The following OGDHL variants were observed in gnomAD, a reference collection of about 807,000 sequenced individuals.
The protein encoded by OGDHL is oxoglutarate dehydrogenase L.
In OGDHL, 79 loss-of-function variants were observed where a neutral mutation model predicts 109.6. That is an observed-to-expected ratio of 0.72 (90% confidence interval 0.60 to 0.87). The LOEUF is 0.87. Among genes scored for constraint, OGDHL ranks in the 40% least tolerant of loss-of-function variants. The pLI, the probability that OGDHL is intolerant of heterozygous loss-of-function variation, is 0.00. For synonymous variants in OGDHL, 528 were observed against 537.2 expected, an observed-to-expected ratio of 0.98 and a Z score of 0.24; for missense variants, 1,275 against 1,362.2, an observed-to-expected ratio of 0.94 and a Z score of 1.01.
chr10:49,743,716 C>T (rs759793858), intron 14 of OGDHL: 12 of 293,894 alleles, frequency 4.1e-5, no homozygotes, highest in East Asian at 6.8e-5. Flanking sequence ...AGGGACGCCC[C>T]GGCAAAGGCA....
chr10:49,746,989 G>A, intron 9 of OGDHL, 40 bp downstream of exon 9: 1 of 1,609,566 alleles, frequency 6.2e-7, no homozygotes, highest in South Asian at 1.1e-5. Flanking sequence ...GGCCCACCCT[G>A]AAGGGCCCAG....
In OGDHL at chr10:49,744,724, C is replaced by T. The variant is rs1842050815; in HGVS notation, c.1658G>A (p.Cys553Tyr). The change falls in exon 13 of 23, where the codon TGT becomes TAT. Residue 553 changes from cysteine (C) to tyrosine (Y), a missense_variant. Coordinates refer to ENST00000374103, the MANE Select transcript of OGDHL (RefSeq NM_018245.3). The part of the protein sequence containing the change: ...EEEIAKYDRI[C>Y]EEAYGRSKDK... Reference sequence around the variant, plus strand: ...CTTGGACCTGCCATAAGCCTCCTCACAGATCCGGTCGTATTTGGCAATTTC... The same window carrying T: ...CTTGGACCTGCCATAAGCCTCCTCATAGATCCGGTCGTATTTGGCAATTTC... 1 of 1,614,104 alleles carries T rather than the reference C, an allele frequency of 6.2e-7. No homozygotes were observed. The highest frequency in any genetic ancestry group is 1.7e-5 in the Admixed American group (1 of 60,012).
At chr10:49,752,851 TC>T in intron 3 of OGDHL, 111 bp from the exon 4 acceptor site, 1 of 727,054 alleles carries the variant, frequency 1.4e-6, no homozygotes, top group Non-Finnish European at 2.3e-6. Context: ...ATGTTAAGCT[TC>T]CCCATGTCTC....
chr10:49,739,878 A>C (rs764623384), intron 16 of OGDHL, 39 bp from the exon 17 acceptor site: 24 of 1,581,460 alleles, frequency 1.5e-5, no homozygotes, highest in Non-Finnish European at 2.0e-5. Flanking sequence ...GCACACAGTC[A>C]CCAAGTGGCA....
Position 49,742,112 on chromosome 10 carries a change from A to G in OGDHL, c.2012+716T>C, listed in dbSNP as rs373294911. On this transcript the variant is annotated intron_variant, in intron 15 of 22. Transcript: ENST00000374103. ...CCACACAAACACCCTCACACACATT[A>G]CACACATACACACCCTACACACACA... 7.6e-5 allele frequency among the ~76,000 whole-genome samples: 11 copies of G among 144,324 alleles called. No individual in the cohort carries two copies. In the East Asian group the frequency reaches 1.7e-3, roughly 22 times the overall value. 94.7% of individuals were successfully genotyped at this position (144,324 alleles called of 152,430 possible).
chr10:49,743,897 A>G, intron 14 of OGDHL, 97 bp downstream of exon 14: 1 of 1,468,128 alleles, frequency 6.8e-7, no homozygotes, highest in Non-Finnish European at 9.2e-7. Flanking sequence ...CAGGAATGCG[A>G]CACACCATCT....
chr10:49,741,841 A>G (rs1841691270), intron 15 of OGDHL, among the ~76,000 whole-genome samples: 1 of 149,512 alleles, frequency 6.7e-6, no homozygotes, highest in Non-Finnish European at 1.5e-5. Context: ...ACATCCATGC[A>G]CACACACCAA....
intron 15 of OGDHL, 120 bp from the exon 16 acceptor site, chr10:49,740,957 G>T: frequency 7.8e-7 from 1 of 1,289,524 alleles, no homozygotes; most frequent in Non-Finnish European, 1.1e-6. Flanking sequence ...CAGGAAACCT[G>T]CAGGGTCCCA....
chr10:49,751,934 A>G lies in OGDHL; in HGVS notation c.642T>C (p.Asp214=). The G allele has an allele frequency of 1.2e-6, 2 of 1,614,106 alleles. No individual in the cohort carries two copies. The highest frequency in any genetic ancestry group is 1.7e-6 in the Non-Finnish European group (2 of 1,180,010). ...HIGLEFMFIN[D]VEQCQWIRQK... ...GCCGGATCCACTGGCACTGCTCCAC[A>G]TCGTTGATGAACATGAACTCCAGGC... The change falls in exon 6 of 23, where the codon GAT becomes GAC. Residue 214 remains aspartate, a synonymous_variant. Coordinates refer to ENST00000374103, the MANE Select transcript of OGDHL (RefSeq NM_018245.3).
chr10:49,745,172 C>A (rs1460499474), intron 12 of OGDHL, among the ~76,000 whole-genome samples, 172 bp downstream of exon 12: 2 of 152,270 alleles, frequency 1.3e-5, no homozygotes, highest in African/African-American at 4.8e-5. Context: ...GCTGTAACTG[C>A]ATCCTTAGTT....
At position 49,742,955 on chromosome 10, in the gene OGDHL, G is replaced by A. The variant is rs139731612; in HGVS notation, c.1885C>T (p.Arg629Cys). Reference sequence around the variant, plus strand: ...GTCCGGTTCTTGGTCATGTCCGCACGGCCCCGCAGAATGCGAGAGAGGCCT... The same window carrying A: ...GTCCGGTTCTTGGTCATGTCCGCACAGCCCCGCAGAATGCGAGAGAGGCCT... The part of the protein sequence containing the change: ...HTGLSRILRG[R>C]ADMTKNRTVD... The change falls in exon 15 of 23, where the codon CGT (arginine) becomes TGT (cysteine). Residue 629 changes from arginine to cysteine, a missense_variant. By Grantham distance (180) the Arg-to-Cys change is radical. Coordinates refer to ENST00000374103, the MANE Select transcript of OGDHL (RefSeq NM_018245.3). The A allele has an allele frequency of 9.0e-5, 145 of 1,613,516 alleles. No individual in the cohort carries two copies. Among genetic ancestry groups the A allele is most frequent in the Non-Finnish European group, 1.1e-4 (133 of 1,179,998 alleles).
chr10:49,738,285 C>G (rs1370940371), intron 17 of OGDHL, 23 bp from the exon 18 acceptor site: 1 of 1,611,704 alleles, frequency 6.2e-7, no homozygotes, highest in Admixed American at 1.7e-5. Flanking sequence ...GCCAGACAGC[C>G]AAGGCTGGAC....
At chr10:49,761,323 C>T (rs1843260764) in intron 1 of OGDHL, among the ~76,000 whole-genome samples, 1 of 152,180 alleles carries the variant, frequency 6.6e-6, no homozygotes, top group Non-Finnish European at 1.5e-5. Context: ...ACACCATGGC[C>T]ACTAAGACTC....
intron 16 of OGDHL, 88 bp from the exon 17 acceptor site, chr10:49,739,927 C>A: frequency 7.5e-7 from 1 of 1,338,826 alleles, no homozygotes; most frequent in Non-Finnish European, 1.0e-6. Flanking sequence ...AGTATATCCT[C>A]CATGCCCCCA....
chr10:49,754,968 G>T (rs1274739617), intron 3 of OGDHL, among the ~76,000 whole-genome samples: 2 of 152,180 alleles, frequency 1.3e-5, no homozygotes. Flanking sequence ...GCACAGGCTG[G>T]GTGCAATGGC....
At chr10:49,750,725 C>A (rs1842528580) in intron 7 of OGDHL, 114 bp downstream of exon 7, 1 of 1,378,390 alleles carries the variant, frequency 7.3e-7, no homozygotes, top group Non-Finnish European at 9.6e-7. Context: ...AGGAAACCCA[C>A]CTCTACCCCC....
chr10:49,745,646 C>T (rs1297905228), intron 11 of OGDHL, 150 bp from the exon 12 acceptor site: 1 of 1,298,166 alleles, frequency 7.7e-7, no homozygotes, highest in Non-Finnish European at 1.1e-6. Context: ...TGTCCCGTCC[C>T]AGGCCTTTGC....
intron 1 of OGDHL, among the ~76,000 whole-genome samples, chr10:49,760,406 C>A (rs1367234163): frequency 6.6e-6 from 1 of 152,194 alleles, no homozygotes; most frequent in African/African-American, 2.4e-5. Flanking sequence ...GGTCCCAACT[C>A]CTGTTCCACC....
In OGDHL at chr10:49,735,201, C is replaced by G. The variant is rs771552999; in HGVS notation, c.*27G>C. 12 of 1,591,868 alleles carry G rather than the reference C, an allele frequency of 7.5e-6. No homozygotes were observed. Among genetic ancestry groups the G allele is most frequent in the Non-Finnish European group, 1.0e-5 (12 of 1,170,358 alleles). ...CCCTTGGTCCCCAGCAAACCCACAGCGAGACCTACACAGGTTTTGCCCAGC... is the reference window on the plus strand; with the variant it reads ...CCCTTGGTCCCCAGCAAACCCACAGGGAGACCTACACAGGTTTTGCCCAGC... On this transcript the variant is annotated 3_prime_UTR_variant, in exon 23 of 23. Coordinates refer to ENST00000374103, the MANE Select transcript of OGDHL (RefSeq NM_018245.3).
Sources: allele counts gnomAD v4.1 joint callset (sites outside exome capture counted in the v4.1 genomes callset), GRCh38; gene constraint gnomAD v4.1.1; transcripts MANE v1.5; gene names NCBI Gene and HGNC (gene_info 2026-07-23, HGNC 2026-07-21).